CSNK1D: variants seen among roughly 807,000 people sequenced by gnomAD.
The protein encoded by CSNK1D is casein kinase 1 delta.
CSNK1D carries 16 observed loss-of-function variants against 46.6 expected under a neutral mutation model. The observed-to-expected ratio is 0.34, with a 90% CI of 0.23 to 0.52. CSNK1D has a LOEUF of 0.52. Among genes scored for constraint, CSNK1D ranks in the 20% least tolerant of loss-of-function variants. The probability of loss-of-function intolerance (pLI) is 0.95; values close to 1 mark genes in which losing one functional copy is unlikely to be tolerated. For synonymous variants in CSNK1D, 276 were observed against 228.2 expected (o/e 1.21, Z -1.89); for missense variants, 398 against 578.4 (o/e 0.69, Z 3.20).
At position 82,251,118 on chromosome 17, in the gene CSNK1D, G is replaced by T; in HGVS notation, c.885+261C>A. The T allele has an allele frequency of 2.1e-6, 1 of 484,760 alleles. No homozygotes were observed. 30.0% of individuals were successfully genotyped at this position (484,760 alleles called of 1,614,324 possible). A position where few individuals can be genotyped will look rare whatever the true frequency, so the allele number is the denominator to read the frequency against. On this transcript the variant is annotated intron_variant, in intron 6 of 8. Coordinates refer to ENST00000314028, the MANE Select transcript of CSNK1D (RefSeq NM_001893.6). The surrounding 1 kb of genome is among the most constrained non-coding windows in gnomAD (Gnocchi z 4.5). The stretch of plus-strand genomic sequence containing the variant: ...GGCCCTAGCTCCGCTTGGTGACAGG[G>T]AGGGAAGGGGCCTCCTGCTGTCCAC...
chr17:82,269,348 T>C (rs1328560705), intron 1 of CSNK1D, among the ~76,000 whole-genome samples: 3 of 151,908 alleles, frequency 2.0e-5, no homozygotes, highest in Admixed American at 6.6e-5. Context: ...GAGTCCAAGG[T>C]CAACAGAGGC....
At chr17:82,263,567 T>A (rs1273340343) in intron 2 of CSNK1D, among the ~76,000 whole-genome samples, 1 of 152,134 alleles carries the variant, frequency 6.6e-6, no homozygotes, top group Admixed American at 6.5e-5. Context: ...TAGTGCCGAG[T>A]GGAGAAGTCC....
chr17:82,241,020 A>AC (rs1455292432), downstream of CSNK1D, among the ~76,000 whole-genome samples: 32 of 151,264 alleles, frequency 2.1e-4, no homozygotes, highest in Admixed American at 2.1e-3. Context: ...CTATCCCCCA[A>AC]CCCCGGCGAC....
At chr17:82,247,472 C>T in intron 8 of CSNK1D, 1 of 985,526 alleles carries the variant, frequency 1.0e-6, no homozygotes, top group Middle Eastern at 5.2e-4. Context: ...AGGCCCCTTC[C>T]CTAGTCTTTG....
At chr17:82,267,059 C>CAAAAAA (rs975298692) in intron 1 of CSNK1D, 1 of 51,118 alleles carries the variant, frequency 2.0e-5, no homozygotes, top group Non-Finnish European at 4.1e-5. Context: ...GACACCGTCT[C>CAAAAAA]AAAAAAAAAA....
In CSNK1D at chr17:82,251,732, T is replaced by C. The variant is rs979798862; in HGVS notation, c.737-205A>G. On this transcript the variant is annotated intron_variant, in intron 5 of 8. Coordinates refer to ENST00000314028, the MANE Select transcript of CSNK1D (RefSeq NM_001893.6). The surrounding 1 kb of genome is among the most constrained non-coding windows in gnomAD (Gnocchi z 4.5). ...ACGGCCGGGTGCGGCGGCTCACGCC[T>C]GTCACCCCAGCACTCTAGGAGGCTG... 4.6e-5 allele frequency: 29 copies of C among 624,950 alleles called. No individual in the cohort carries two copies. The highest frequency in any genetic ancestry group is 8.4e-5 in the Non-Finnish European group (29 of 343,896). The allele number at this position is 624,950 out of a possible 1,614,324, so 38.7% of individuals were successfully genotyped here. A position where few individuals can be genotyped will look rare whatever the true frequency, so the allele number is the denominator to read the frequency against.
At chr17:82,242,210 T>TC (rs775605248), downstream of CSNK1D, among the ~76,000 whole-genome samples, 2 of 120,164 alleles carry the variant, frequency 1.7e-5, no homozygotes, top group East Asian at 2.8e-4. Context: ...TGCTGTGTGC[T>TC]CTGGGGGGGG....
intron 2 of CSNK1D, among the ~76,000 whole-genome samples, chr17:82,264,519 T>C (rs2051417668): frequency 6.6e-6 from 1 of 152,160 alleles, no homozygotes; most frequent in South Asian, 2.1e-4. Context: ...GGCCCTGGGC[T>C]GAGGGCTCGC....
chr17:82,249,740 G>A lies in CSNK1D; in HGVS notation c.886-138C>T, dbSNP rs2050952014. 2.0e-6 allele frequency: 3 copies of A among 1,502,812 alleles called. No homozygotes were observed. The highest frequency in any genetic ancestry group is 2.7e-6 in the Non-Finnish European group (3 of 1,128,530). The allele number at this position is 1,502,812 out of a possible 1,614,324, so 93.1% of individuals were successfully genotyped here. A position where few individuals can be genotyped will look rare whatever the true frequency, so the allele number is the denominator to read the frequency against. ...AGACTGCCTGCAAAGCCCCCCACAG[G>A]CTGCACGTTTCTCCTCATGGGATGA... On this transcript the variant is annotated intron_variant, in intron 6 of 8. Coordinates refer to ENST00000314028, the MANE Select transcript of CSNK1D (RefSeq NM_001893.6). The surrounding 1 kb of genome is among the most constrained non-coding windows in gnomAD (Gnocchi z 6.7).
chr17:82,251,827 GAA>G lies in CSNK1D; in HGVS notation c.737-302_737-301del, dbSNP rs112553966. 0.012 allele frequency: 3,117 copies of G among 262,374 alleles called. 1 individual carries two copies. The highest frequency in any genetic ancestry group is 0.017 in the East Asian group (176 of 10,128). The allele number at this position is 262,374 out of a possible 1,614,324, so 16.3% of individuals were successfully genotyped here. On this transcript the variant is annotated intron_variant, in intron 5 of 8. Transcript: ENST00000314028. The surrounding 1 kb of genome is among the most constrained non-coding windows in gnomAD (Gnocchi z 4.5). ...AACACAGTGAAACCCCATCTCTACT[GAA>G]AAAAAAAAAAAAAAAGTTCTAGAGC...
chr17:82,244,401 A>C lies in CSNK1D; in HGVS notation c.*380T>G, dbSNP rs1032875334. On this transcript the variant is annotated 3_prime_UTR_variant, in exon 9 of 9. Transcript: ENST00000314028. Reference sequence around the variant, plus strand: ...ATTTAAGCCAATAATTTTTAGCAAAATGATACAAAACTGTCTTAACCAAGT... The same window carrying C: ...ATTTAAGCCAATAATTTTTAGCAAACTGATACAAAACTGTCTTAACCAAGT... The C allele has an allele frequency of 8.6e-7, 1 of 1,163,516 alleles. No homozygotes were observed. The highest frequency in any genetic ancestry group is 1.1e-6 in the Non-Finnish European group (1 of 934,384). 72.1% of individuals were successfully genotyped at this position (1,163,516 alleles called of 1,614,324 possible).
chr17:82,244,004 C>T lies in CSNK1D; in HGVS notation c.*777G>A. 1 of 987,240 alleles carries T rather than the reference C, an allele frequency of 1.0e-6. No individual in the cohort carries two copies. The highest frequency in any genetic ancestry group is 1.2e-6 in the Non-Finnish European group (1 of 831,136). 61.2% of individuals were successfully genotyped at this position (987,240 alleles called of 1,614,324 possible). A position where few individuals can be genotyped will look rare whatever the true frequency, so the allele number is the denominator to read the frequency against. ...TTTGCCTGGTAACACCCACTGCACC[C>T]CTGCCCCGCGGCAGCCTGCGGTCCC... is the stretch of plus-strand genomic sequence containing the variant. On this transcript the variant is annotated 3_prime_UTR_variant, in exon 9 of 9. Transcript: ENST00000314028.
Position 82,262,902 on chromosome 17 carries a change from G to A in CSNK1D, c.187+2784C>T, listed in dbSNP as rs114552886. Among the ~76,000 whole-genome samples the A allele has an allele frequency of 4.7e-3, 716 of 152,308 alleles. 2 individuals are homozygous for A. The highest frequency in any genetic ancestry group is 0.016 in the African/African-American group (685 of 41,562). On this transcript the variant is annotated intron_variant, in intron 2 of 8. Coordinates refer to ENST00000314028, the MANE Select transcript of CSNK1D (RefSeq NM_001893.6). The stretch of plus-strand genomic sequence containing the variant: ...TCTTTAGATCTTTACAGTATCTGAC[G>A]GGCGCGATGGCTCACGCCTATAATC...
At chr17:82,271,701 CAT>C (rs2051628933) in intron 1 of CSNK1D, among the ~76,000 whole-genome samples, 1 of 152,360 alleles carries the variant, frequency 6.6e-6, no homozygotes, top group Non-Finnish European at 1.5e-5. Flanking sequence ...ATGAGCCACC[CAT>C]ATGTGTGGAT....
At chr17:82,239,832 G>C (rs1392826359), downstream of CSNK1D, 3 of 430,828 alleles carry the variant, frequency 7.0e-6, no homozygotes, top group African/African-American at 2.0e-5. Flanking sequence ...GGTGTGGTCA[G>C]TGCCCAGGGC....
downstream of CSNK1D, among the ~76,000 whole-genome samples, chr17:82,241,360 G>A (rs898384634): frequency 1.3e-5 from 2 of 152,226 alleles, no homozygotes; most frequent in Admixed American, 6.5e-5. Context: ...CCCGGGAGGC[G>A]CTGCCCAGTA....
rs763382075 is a variant in CSNK1D, at chr17:82,243,240, G to A, written c.*1541C>T. On this transcript the variant is annotated 3_prime_UTR_variant, in exon 9 of 9. Coordinates refer to ENST00000314028, the MANE Select transcript of CSNK1D (RefSeq NM_001893.6). ...GGGACGCCAGCCAGTTATGGCATCC[G>A]GGGAACTCTGGGGAGGAGAAGGGAG... The A allele has an allele frequency of 3.5e-5, 34 of 985,418 alleles. No homozygotes were observed. The highest frequency in any genetic ancestry group is 1.1e-4 in the East Asian group (1 of 8,826). 61.0% of individuals were successfully genotyped at this position (985,418 alleles called of 1,614,324 possible). A position where few individuals can be genotyped will look rare whatever the true frequency, so the allele number is the denominator to read the frequency against.
chr17:82,239,135 G>A, downstream of CSNK1D: 1 of 674,430 alleles, frequency 1.5e-6, no homozygotes, highest in Non-Finnish European at 2.4e-6. Flanking sequence ...GGGGGAAGGT[G>A]GCGGGGTGGG....
chr17:82,259,129 C>T (rs1204586756), intron 2 of CSNK1D, among the ~76,000 whole-genome samples: 1 of 152,192 alleles, frequency 6.6e-6, no homozygotes, highest in Non-Finnish European at 1.5e-5. Context: ...GCAAATCTTC[C>T]TTAAATGTCC....
Sources: allele counts gnomAD v4.1 joint callset (sites outside exome capture counted in the v4.1 genomes callset), GRCh38; gene constraint gnomAD v4.1.1; non-coding constraint Gnocchi (gnomAD v3.1); transcripts MANE v1.5; gene names NCBI Gene and HGNC (gene_info 2026-07-23, HGNC 2026-07-21).